Variants in CELF5 observed in about 807,000 individuals in gnomAD.
CELF5 encodes the protein CUG-BP and ETR-3 like factor 5.
A neutral mutation model predicts 54.9 loss-of-function variants in CELF5; 6 were observed. That is an observed-to-expected ratio of 0.11 (90% CI 0.06 to 0.22). CELF5 has a LOEUF of 0.22. Ranked by LOEUF, CELF5 falls within the 10% of genes least tolerant of loss-of-function variation. The pLI is 1.00. For synonymous variants in CELF5, 271 were observed against 290.9 expected (o/e 0.93, Z 0.70); for missense variants, 401 against 678.6 (o/e 0.59, Z 4.54).
chr19:3,296,472 A>C (rs1422078436), intron 12 of CELF5: 1 of 127,504 alleles, frequency 7.8e-6, no homozygotes, highest in African/African-American at 2.7e-5. Context: ...GAAAAAAGAA[A>C]AAAAAATAGA....
chr19:3,240,954 G>T (rs532588731), intron 1 of CELF5, among the ~76,000 whole-genome samples: 1 of 152,208 alleles, frequency 6.6e-6, no homozygotes, highest in African/African-American at 2.4e-5. Flanking sequence ...CCATTGAGCA[G>T]ATCTCATGTT....
intron 1 of CELF5, among the ~76,000 whole-genome samples, chr19:3,233,168 C>A (rs1340778467): frequency 6.6e-6 from 1 of 151,670 alleles, no homozygotes; most frequent in Non-Finnish European, 1.5e-5. Context: ...GTGCCTAGAG[C>A]CCTAGCTGCT....
At chr19:3,256,271 C>T (rs969711343) in intron 2 of CELF5, among the ~76,000 whole-genome samples, 1 of 152,014 alleles carries the variant, frequency 6.6e-6, no homozygotes, top group Non-Finnish European at 1.5e-5. Context: ...AACAGCTGGC[C>T]GTCTCCTCCT....
chr19:3,251,089 G>T (rs749636867), intron 2 of CELF5, 22 bp downstream of exon 2: 2 of 1,593,790 alleles, frequency 1.3e-6, no homozygotes, highest in Non-Finnish European at 1.7e-6. Context: ...GTGGTGTCTG[G>T]GGAGGAGGGG....
chr19:3,259,215 G>C (rs1254503023), intron 2 of CELF5, among the ~76,000 whole-genome samples: 1 of 152,156 alleles, frequency 6.6e-6, no homozygotes, highest in Non-Finnish European at 1.5e-5. Context: ...GGGAGCCTCT[G>C]TCAGCTAATG....
chr19:3,240,268 C>G (rs1016242236), intron 1 of CELF5, among the ~76,000 whole-genome samples: 6 of 152,086 alleles, frequency 3.9e-5, no homozygotes, highest in Non-Finnish European at 7.3e-5. Flanking sequence ...CCGCCTGCCT[C>G]TGCCTCCCAA....
intron 8 of CELF5, 116 bp from the exon 9 acceptor site, chr19:3,284,786 C>A: frequency 1.1e-6 from 1 of 889,104 alleles, no homozygotes; most frequent in Non-Finnish European, 1.8e-6. Context: ...GAGGGTTTAG[C>A]ACAGAGGAGA....
At chr19:3,290,951 G>A (rs1364496246) in intron 11 of CELF5, among the ~76,000 whole-genome samples, 1 of 151,232 alleles carries the variant, frequency 6.6e-6, no homozygotes, top group Non-Finnish European at 1.5e-5. Flanking sequence ...ATGAGACCCC[G>A]TGTTTACAAA....
intron 12 of CELF5, chr19:3,294,227 GC>G (rs2080398323): frequency 6.6e-6 from 1 of 152,122 alleles, no homozygotes; most frequent in Non-Finnish European, 1.5e-5. Flanking sequence ...ACCTTGTGGG[GC>G]CACTGTGGAA....
chr19:3,277,201 C>T (rs1346732216), intron 4 of CELF5, among the ~76,000 whole-genome samples: 2 of 152,152 alleles, frequency 1.3e-5, no homozygotes, highest in African/African-American at 4.8e-5. Flanking sequence ...GAGGGCTGGG[C>T]GTGGTGGCTC....
intron 1 of CELF5, chr19:3,225,654 C>T: frequency 1.1e-6 from 1 of 946,470 alleles, no homozygotes; most frequent in Non-Finnish European, 1.3e-6. Context: ...GGGCGCCCGG[C>T]TCGGGGGGAC....
intron 2 of CELF5, among the ~76,000 whole-genome samples, chr19:3,254,754 C>G (rs552782237): frequency 2.0e-5 from 3 of 151,514 alleles, no homozygotes; most frequent in Non-Finnish European, 2.9e-5. Context: ...ATCTATCCAC[C>G]CACTCATCTA....
intron 10 of CELF5, among the ~76,000 whole-genome samples, chr19:3,287,178 G>T (rs2080266885): frequency 6.6e-6 from 1 of 151,908 alleles, no homozygotes; most frequent in African/African-American, 2.4e-5. Flanking sequence ...AGGATAAGTA[G>T]CCAATACTCA....
In CELF5 at chr19:3,281,142, C is replaced by T. The variant is rs1280816106; in HGVS notation, c.604-57C>T. On this transcript the variant is annotated intron_variant, in intron 5 of 12. Transcript: ENST00000292672. The surrounding 1 kb of genome is among the most constrained non-coding windows in gnomAD (Gnocchi z 6.5). ...TGAGCTAACATGAATCCAGGGACCC[C>T]AGAGTCCTGGCTACCTCCCAGCCCG... The T allele has an allele frequency of 6.4e-7, 1 of 1,572,842 alleles. No homozygotes were observed. The highest frequency in any genetic ancestry group is 8.6e-7 in the Non-Finnish European group (1 of 1,158,924).
chr19:3,231,870 G>C (rs1917283104), intron 1 of CELF5, among the ~76,000 whole-genome samples: 2 of 151,388 alleles, frequency 1.3e-5, no homozygotes, highest in Non-Finnish European at 2.9e-5. Context: ...GAGTGAATGA[G>C]TGAATGAATA....
chr19:3,280,336 C>T (rs1327869823), intron 5 of CELF5, among the ~76,000 whole-genome samples: 1 of 151,636 alleles, frequency 6.6e-6, no homozygotes, highest in South Asian at 2.1e-4. Flanking sequence ...TTTGGGAGGT[C>T]GAGGCGGGCG....
chr19:3,286,081 C>T, intron 10 of CELF5, 56 bp downstream of exon 10: 3 of 1,400,084 alleles, frequency 2.1e-6, no homozygotes, highest in Non-Finnish European at 2.8e-6. Context: ...CCGCCCTGTC[C>T]ACCTGCAGGC....
chr19:3,241,271 T>TG (rs1327208323), intron 1 of CELF5, among the ~76,000 whole-genome samples: 3 of 149,438 alleles, frequency 2.0e-5, no homozygotes, highest in African/African-American at 4.9e-5. Flanking sequence ...TTACTAGAGA[T>TG]GGGGTTTCAC....
chr19:3,256,326 G>A (rs1349365832), intron 2 of CELF5, among the ~76,000 whole-genome samples: 1 of 151,878 alleles, frequency 6.6e-6, no homozygotes, highest in Non-Finnish European at 1.5e-5. Flanking sequence ...TCTGTGTCTG[G>A]CTCTGACTCC....
Sources: allele counts gnomAD v4.1 joint callset (sites outside exome capture counted in the v4.1 genomes callset), GRCh38; gene constraint gnomAD v4.1.1; non-coding constraint Gnocchi (gnomAD v3.1); transcripts MANE v1.5; gene names NCBI Gene and HGNC (gene_info 2026-07-23, HGNC 2026-07-21).